MAP4: variants seen among roughly 807,000 people sequenced by gnomAD.
The protein encoded by MAP4 is microtubule associated protein 4.
MAP4 carries 76 observed loss-of-function variants against 170.2 expected under a neutral mutation model. The ratio of observed to expected loss-of-function variants is 0.45; its 90% CI spans 0.37 to 0.54. The LOEUF (loss-of-function observed/expected upper bound fraction) is 0.54, where lower values mean the gene tolerates loss of function less well. Among genes scored for constraint, MAP4 ranks in the 20% least tolerant of loss-of-function variants. The probability of loss-of-function intolerance (pLI) is 0.00; values close to 1 mark genes in which losing one functional copy is unlikely to be tolerated. For missense variants in MAP4, 2,506 were observed against 2,748.0 expected (o/e 0.91, Z 1.97); for synonymous variants, 909 against 994.5 (o/e 0.91, Z 1.62).
intron 3 of MAP4, among the ~76,000 whole-genome samples, chr3:47,938,649 G>A (rs1020784352): frequency 3.3e-5 from 5 of 152,190 alleles, no homozygotes; most frequent in Admixed American, 3.3e-4. Context: ...CTCCCAAAGT[G>A]CTAGGATTAC....
chr3:47,954,271 G>C (rs2100066359), intron 3 of MAP4, among the ~76,000 whole-genome samples: 1 of 152,116 alleles, frequency 6.6e-6, no homozygotes, highest in Non-Finnish European at 1.5e-5. Flanking sequence ...ATTTAAAGGG[G>C]TAACGGGATC....
At chr3:48,087,745 GCACACACACA>G (rs1171639123) in intron 1 of MAP4, among the ~76,000 whole-genome samples, 33 of 105,614 alleles carry the variant, frequency 3.1e-4, no homozygotes, top group African/African-American at 8.7e-4. Flanking sequence ...ACACGCACGC[GCACACACACA>G]CACACACACA....
intron 3 of MAP4, among the ~76,000 whole-genome samples, chr3:47,942,183 C>T (rs1343191610): frequency 6.6e-6 from 1 of 152,024 alleles, no homozygotes; most frequent in African/African-American, 2.4e-5. Flanking sequence ...GAAGCTTAGC[C>T]ATGTGAGAAA....
At chr3:47,893,706 T>C (rs771591452) in intron 10 of MAP4, among the ~76,000 whole-genome samples, 19 of 152,054 alleles carry the variant, frequency 1.2e-4, no homozygotes, top group Non-Finnish European at 2.2e-4. Flanking sequence ...GGAAATATTC[T>C]ATCAGAAATC....
chr3:48,001,139 A>G (rs1218218154), intron 1 of MAP4, among the ~76,000 whole-genome samples: 1 of 151,972 alleles, frequency 6.6e-6, no homozygotes, highest in Non-Finnish European at 1.5e-5. Context: ...ATAAGTACAG[A>G]CAGGATAATT....
At chr3:47,938,518 T>C (rs919449971) in intron 3 of MAP4, among the ~76,000 whole-genome samples, 1 of 152,124 alleles carries the variant, frequency 6.6e-6, no homozygotes, top group African/African-American at 2.4e-5. Flanking sequence ...AGGACACAGA[T>C]GTGTGCCACT....
At chr3:47,868,856 T>C (rs2085476336) in intron 16 of MAP4, among the ~76,000 whole-genome samples, 1 of 152,188 alleles carries the variant, frequency 6.6e-6, no homozygotes, top group African/African-American at 2.4e-5. Context: ...ACCCCTGCCA[T>C]GTCTTCTTGA....
chr3:48,001,143 G>A (rs1303390295), intron 1 of MAP4, among the ~76,000 whole-genome samples: 4 of 151,716 alleles, frequency 2.6e-5, no homozygotes, highest in Non-Finnish European at 5.9e-5. Flanking sequence ...GTACAGACAG[G>A]ATAATTAAGG....
intron 19 of MAP4, among the ~76,000 whole-genome samples, chr3:47,853,634 G>A (rs2048740863): frequency 6.6e-6 from 1 of 152,168 alleles, no homozygotes; most frequent in African/African-American, 2.4e-5. Context: ...TCTGAGGGCA[G>A]AGGTGCCAGG....
At chr3:48,074,544 C>T (rs2100142715) in intron 1 of MAP4, among the ~76,000 whole-genome samples, 1 of 133,636 alleles carries the variant, frequency 7.5e-6, no homozygotes, top group Non-Finnish European at 1.5e-5. Flanking sequence ...GACAGAGGCT[C>T]ACTCTGTTGC....
upstream of MAP4, among the ~76,000 whole-genome samples, chr3:48,019,596 C>A (rs2100109568): frequency 6.6e-6 from 1 of 150,938 alleles, no homozygotes; most frequent in Non-Finnish European, 1.5e-5. Flanking sequence ...AGAAAAAACT[C>A]TCTTTTGGCT....
intron 1 of MAP4, among the ~76,000 whole-genome samples, chr3:48,027,180 T>A (rs919577145): frequency 3.3e-5 from 5 of 152,222 alleles, no homozygotes; most frequent in African/African-American, 1.2e-4. Flanking sequence ...GGTCATTGTT[T>A]CACAGCTCAA....
Position 47,916,757 on chromosome 3 carries a change from G to A in MAP4, c.1070C>T (p.Ala357Val), listed in dbSNP as rs1267095247. The change falls in exon 7 of 21, where the codon GCA becomes GTA. Residue 357 changes from alanine (A) to valine (V), a missense_variant. This residue lies in a region of MAP4 where 2,008 missense variants were observed against 2,206.0 expected (regional missense o/e 0.91). Coordinates refer to ENST00000683076, the MANE Select transcript of MAP4 (RefSeq NM_001385682.1). ...GGCTAAGTCCATTTTTATAGGAGATGCCCTCTCTGTTTCTTTCAACAGTGT... is the reference window on the plus strand; with the variant it reads ...GGCTAAGTCCATTTTTATAGGAGATACCCTCTCTGTTTCTTTCAACAGTGT... ...DVTLLKETER[A>V]SPIKMDLAPS... 6.2e-7 allele frequency: 1 copy of A among 1,614,120 alleles called. No individual in the cohort carries two copies. The highest frequency in any genetic ancestry group is 8.5e-7 in the Non-Finnish European group (1 of 1,180,020).
chr3:47,986,059 T>C (rs2100088457), intron 2 of MAP4, among the ~76,000 whole-genome samples: 1 of 152,190 alleles, frequency 6.6e-6, no homozygotes, highest in African/African-American at 2.4e-5. Context: ...AAAACAGTAA[T>C]GATAAATCCA....
chr3:47,907,255 T>C (rs2100033619), intron 9 of MAP4, among the ~76,000 whole-genome samples: 1 of 152,222 alleles, frequency 6.6e-6, no homozygotes, highest in African/African-American at 2.4e-5. Context: ...TTATTACTTA[T>C]TATACATAAA....
chr3:48,022,340 G>A (rs1470525851), intron 1 of MAP4, among the ~76,000 whole-genome samples: 1 of 152,174 alleles, frequency 6.6e-6, no homozygotes, highest in African/African-American at 2.4e-5. Flanking sequence ...GATGAGGTGG[G>A]AGGATCATTT....
At chr3:47,899,735 A>G (rs1380084557) in intron 10 of MAP4, among the ~76,000 whole-genome samples, 1 of 152,304 alleles carries the variant, frequency 6.6e-6, no homozygotes, top group East Asian at 1.9e-4. Context: ...GCATCATTTG[A>G]CCTGATCCGT....
chr3:47,906,256 GATTC>G (rs1019615101), intron 9 of MAP4, among the ~76,000 whole-genome samples: 1 of 151,950 alleles, frequency 6.6e-6, no homozygotes. Context: ...TCAAACCAGA[GATTC>G]TTACTCCGGA....
At chr3:48,023,610 T>C (rs1057271832) in intron 1 of MAP4, among the ~76,000 whole-genome samples, 2 of 152,226 alleles carry the variant, frequency 1.3e-5, no homozygotes, top group African/African-American at 4.8e-5. Context: ...AAAGACAGTA[T>C]AAGGTTTGTC....
Sources: allele counts gnomAD v4.1 joint callset (sites outside exome capture counted in the v4.1 genomes callset), GRCh38; gene constraint gnomAD v4.1.1; regional missense constraint gnomAD v4.1.1; transcripts MANE v1.5; gene names NCBI Gene and HGNC (gene_info 2026-07-23, HGNC 2026-07-21).